Variants in PLCH1 observed in about 807,000 individuals in gnomAD.
PLCH1 encodes the protein 1-phosphatidylinositol 4,5-bisphosphate phosphodiesterase eta-1.
In PLCH1, 60 loss-of-function variants were observed where a neutral mutation model predicts 126.7. The observed-to-expected ratio is 0.47, with a 90% CI of 0.38 to 0.59. The LOEUF is 0.59. Among genes scored for constraint, PLCH1 ranks in the 20% least tolerant of loss-of-function variants. The pLI is 0.00. For missense variants in PLCH1, 1,723 were observed against 2,040.0 expected (o/e 0.84, Z 2.99); for synonymous variants, 719 against 734.9 (o/e 0.98, Z 0.35).
chr3:155,704,323 T>C (rs1404058284), intron 1 of PLCH1, 59 bp from the exon 2 acceptor site: 1 of 434,226 alleles, frequency 2.3e-6, no homozygotes, highest in East Asian at 3.5e-5. Flanking sequence ...ACGCTCACAC[T>C]GGTAGCATAA....
chr3:155,561,947 A>G (rs1176194159), intron 8 of PLCH1, among the ~76,000 whole-genome samples: 1 of 152,074 alleles, frequency 6.6e-6, no homozygotes, highest in Non-Finnish European at 1.5e-5. Context: ...ATGCCCGGAT[A>G]ATTCTTGCAG....
At chr3:155,623,715 C>G (rs556520282) in intron 2 of PLCH1, among the ~76,000 whole-genome samples, 2 of 152,162 alleles carry the variant, frequency 1.3e-5, no homozygotes, top group Non-Finnish European at 2.9e-5. Flanking sequence ...AGGAAGAAGG[C>G]GATTCCCTGA....
intron 2 of PLCH1, among the ~76,000 whole-genome samples, chr3:155,665,145 T>A (rs1015696449): frequency 9.3e-5 from 14 of 150,706 alleles, no homozygotes; most frequent in African/African-American, 3.4e-4. Flanking sequence ...TAGGGTAATC[T>A]TTTGGGTAAC....
chr3:155,537,216 A>AAAAAAAAAAAAAAAAAAAC (rs1723532913), intron 10 of PLCH1, among the ~76,000 whole-genome samples: 1 of 11,306 alleles, frequency 8.8e-5, no homozygotes, highest in Non-Finnish European at 1.4e-3. Context: ...AAAAAAAAAA[A>AAAAAAAAAAAAAAAAAAAC]AAAAAAAAAA....
At chr3:155,588,213 A>T (rs1731631649) in intron 4 of PLCH1, among the ~76,000 whole-genome samples, 1 of 152,212 alleles carries the variant, frequency 6.6e-6, no homozygotes, top group Non-Finnish European at 1.5e-5. Flanking sequence ...TTCCCTTTAA[A>T]ACTTTTAAAA....
intron 2 of PLCH1, among the ~76,000 whole-genome samples, chr3:155,697,344 T>TG (rs937753666): frequency 7.2e-5 from 11 of 152,086 alleles, no homozygotes; most frequent in Admixed American, 2.0e-4. Context: ...TGTCAGTGGT[T>TG]GGGGGGCCGG....
At chr3:155,474,307 C>G (rs1434723247) in intron 21 of PLCH1, among the ~76,000 whole-genome samples, 1 of 148,268 alleles carries the variant, frequency 6.7e-6, no homozygotes, top group Non-Finnish European at 1.5e-5. Context: ...ATTTATGCAG[C>G]CAAAAAACAC....
intron 10 of PLCH1, among the ~76,000 whole-genome samples, chr3:155,537,355 G>A (rs567669266): frequency 6.6e-6 from 1 of 151,466 alleles, no homozygotes; most frequent in Admixed American, 6.6e-5. Context: ...AAGTATTCAG[G>A]CAAAAAAAAC....
At chr3:155,473,607 C>T (rs1311250113) in intron 21 of PLCH1, among the ~76,000 whole-genome samples, 3 of 151,684 alleles carry the variant, frequency 2.0e-5, no homozygotes, top group East Asian at 3.9e-4. Context: ...AAAAAGAGCC[C>T]GCATCGCCAA....
rs1421346295 is a variant in PLCH1, at chr3:155,564,945, C to T, written c.1039G>A (p.Val347Met). 6.2e-6 allele frequency: 10 copies of T among 1,613,720 alleles called. No homozygotes were observed. The East Asian group carries it at 1.6e-4, about 25-fold the overall frequency. The change falls in exon 8 of 23, where the codon GTG becomes ATG. Residue 347 changes from valine (V) to methionine (M), a missense_variant. Val to Met is a conservative substitution (Grantham distance 21). Around this residue, in one of 2 missense-constraint regions of PLCH1, gnomAD observed 776 missense variants for 1,062.9 expected, o/e 0.73. Transcript: ENST00000460012. Reference protein sequence around the residue: ...SQSKVDMYARVLQEGCRCVEV... With the variant: ...SQSKVDMYARMLQEGCRCVEV... The stretch of plus-strand genomic sequence containing the variant: ...ACACAGCGACAGCCCTCTTGCAGCA[C>T]CCGTGCATACATATCCACTTTGGAC...
rs180920809 is a variant in PLCH1, at chr3:155,483,905, T to C, written c.2975-854A>G. ...ATTTAATGCTTTCAGAGTCATGATATATAAGAAAAAGAACTTGTTCAACTT... is the reference window on the plus strand; with the variant it reads ...ATTTAATGCTTTCAGAGTCATGATACATAAGAAAAAGAACTTGTTCAACTT... On this transcript the variant is annotated intron_variant, in intron 22 of 22. Coordinates refer to ENST00000460012, the MANE Select transcript of PLCH1 (RefSeq NM_014996.4). Among the ~76,000 whole-genome samples, 11 of 152,246 alleles carry C rather than the reference T, an allele frequency of 7.2e-5. No homozygotes were observed. In the East Asian group the frequency reaches 1.3e-3, roughly 19 times the overall value.
In PLCH1 at chr3:155,537,199, AACC is replaced by A. The variant is rs1474785917; in HGVS notation, c.1362+12585_1362+12587del. On this transcript the variant is annotated intron_variant, in intron 10 of 22. Coordinates refer to ENST00000460012, the MANE Select transcript of PLCH1 (RefSeq NM_014996.4). Reference sequence around the variant, plus strand: ...AAGCTAGCACTACAAAAAAAAAAAAAACCAAAAAAAAAAAAAAAAAAAAAAAAA... The same window carrying A: ...AAGCTAGCACTACAAAAAAAAAAAAAAAAAAAAAAAAAAAAAAAAAAAAAA... 9.6e-3 allele frequency among the ~76,000 whole-genome samples: 61 copies of A among 6,384 alleles called. 4 individuals are homozygous for A. The highest frequency in any genetic ancestry group is 0.014 in the African/African-American group (42 of 3,016). 4.2% of individuals were successfully genotyped at this position (6,384 alleles called of 152,430 possible). A position where few individuals can be genotyped will look rare whatever the true frequency, so the allele number is the denominator to read the frequency against.
intron 6 of PLCH1, among the ~76,000 whole-genome samples, chr3:155,572,633 CTCT>C: frequency 6.6e-6 from 1 of 152,072 alleles, no homozygotes; most frequent in African/African-American, 2.4e-5. Context: ...CTTCTATTTT[CTCT>C]TATTTTTTTC....
intron 10 of PLCH1, among the ~76,000 whole-genome samples, chr3:155,549,403 G>A (rs1725809878): frequency 6.6e-6 from 1 of 152,050 alleles, no homozygotes; most frequent in Admixed American, 6.6e-5. Context: ...AGTTATTGGA[G>A]CTTGAAATGG....
intron 6 of PLCH1, among the ~76,000 whole-genome samples, chr3:155,569,593 C>T (rs909415317): frequency 1.2e-4 from 19 of 152,158 alleles, no homozygotes; most frequent in Non-Finnish European, 1.3e-4. Flanking sequence ...CTCCAAGGAA[C>T]TCTACTGACC....
At position 155,488,710 on chromosome 3, in the gene PLCH1, C is replaced by T; in HGVS notation, c.2489G>A (p.Gly830Glu). The change falls in exon 20 of 23, where the codon GGA becomes GAA. Residue 830 changes from glycine to glutamate, a missense_variant. By Grantham distance (98) the Gly-to-Glu change is moderately conservative. Coordinates refer to ENST00000460012, the MANE Select transcript of PLCH1 (RefSeq NM_014996.4). ...RFLVWDHDPIGRDFVGQRTVT... is the reference protein window; with the variant it reads ...RFLVWDHDPIERDFVGQRTVT... ...AGTTCTTTGTCCAACAAAGTCTCGT[C>T]CAATGGGATCGTGATCCCACACAAG... 1 of 1,613,944 alleles carries T rather than the reference C, an allele frequency of 6.2e-7. No homozygotes were observed. The highest frequency in any genetic ancestry group is 8.5e-7 in the Non-Finnish European group (1 of 1,179,856).
chr3:155,499,434 C>G (rs1268031586), intron 14 of PLCH1, among the ~76,000 whole-genome samples: 1 of 152,042 alleles, frequency 6.6e-6, no homozygotes, highest in Non-Finnish European at 1.5e-5. Context: ...GAAGTCATGC[C>G]TAGAAATTAT....
chr3:155,543,692 G>A (rs368533771), intron 10 of PLCH1, among the ~76,000 whole-genome samples: 14 of 151,524 alleles, frequency 9.2e-5, no homozygotes, highest in African/African-American at 1.9e-4. Flanking sequence ...CGGATCTCTC[G>A]GCAGAAACTC....
At position 155,482,372 on chromosome 3, in the gene PLCH1, A is replaced by G. The variant is rs774784060; in HGVS notation, c.3654T>C (p.His1218=). 1.2e-6 allele frequency: 2 copies of G among 1,614,090 alleles called. No homozygotes were observed. Among genetic ancestry groups the G allele is most frequent in the South Asian group, 2.2e-5 (2 of 91,084 alleles). Residue 1218 remains histidine (H), a synonymous_variant, in exon 23 of 23, where the codon CAT becomes CAC. Coordinates refer to ENST00000460012, the MANE Select transcript of PLCH1 (RefSeq NM_014996.4). Reference sequence around the variant, plus strand: ...TTAGGCCCAGGCTAGGCAAGGGACAATGGCCTGACATCACACTGGTATTAT... The same window carrying G: ...TTAGGCCCAGGCTAGGCAAGGGACAGTGGCCTGACATCACACTGGTATTAT... ...HLHNTSVMSG[H]CPLPSLGLKM... is the part of the protein sequence containing the mutation.
Sources: allele counts gnomAD v4.1 joint callset (sites outside exome capture counted in the v4.1 genomes callset), GRCh38; gene constraint gnomAD v4.1.1; regional missense constraint gnomAD v4.1.1; transcripts MANE v1.5; gene names NCBI Gene and HGNC (gene_info 2026-07-23, HGNC 2026-07-21).